The following STK36 variants were observed in gnomAD, a reference collection of about 807,000 sequenced individuals.
STK36 encodes serine/threonine-protein kinase 36.
Under a neutral mutation model 142.2 loss-of-function variants are expected in STK36, and 116 were observed. That is an observed-to-expected ratio of 0.82 (90% CI 0.70 to 0.95). The LOEUF (loss-of-function observed/expected upper bound fraction) is 0.95, where lower values mean the gene tolerates loss of function less well. Among genes scored for constraint, STK36 ranks in the 40% least tolerant of loss-of-function variants. The probability of loss-of-function intolerance (pLI) is 0.00; values close to 1 mark genes in which losing one functional copy is unlikely to be tolerated. For missense variants in STK36, 1,422 were observed against 1,617.2 expected (o/e 0.88, Z 2.07); for synonymous variants, 619 against 641.7 (o/e 0.96, Z 0.53).
Position 218,689,938 on chromosome 2 carries a change from G to A in STK36, c.1640G>A (p.Arg547Lys), listed in dbSNP as rs1940931158. ...TTTGCCTGTACCTTCAATCTGGAGA[G>A]GAGCCAGACAAGTGACAGGTAGGAT... ...AYFACTFNLE[R>K]SQTSDSLQVF... The change falls in exon 13 of 27, where the codon AGG (arginine) becomes AAG (lysine). Residue 547 changes from arginine (R) to lysine (K), a missense_variant. Arg to Lys is a conservative substitution (Grantham distance 26). Transcript: ENST00000295709. 2 of 1,595,480 alleles carry A rather than the reference G, an allele frequency of 1.3e-6. No homozygotes were observed. Among genetic ancestry groups the A allele is most frequent in the African/African-American group, 1.3e-5 (1 of 74,676 alleles).
intron 6 of STK36, 125 bp from the exon 7 acceptor site, chr2:218,679,043 A>G (rs915118437): frequency 4.7e-6 from 4 of 858,176 alleles, no homozygotes; most frequent in Non-Finnish European, 7.2e-6. Flanking sequence ...TTTAGAGGGC[A>G]TGATCAAGAG....
chr2:218,675,053 T>G (rs1316102492), intron 4 of STK36, among the ~76,000 whole-genome samples: 1 of 152,212 alleles, frequency 6.6e-6, no homozygotes, highest in Non-Finnish European at 1.5e-5. Flanking sequence ...AACTCAGTCC[T>G]CACAATAATC....
At chr2:218,696,376 C>A in intron 21 of STK36, 151 bp from the exon 22 acceptor site, 1 of 643,908 alleles carries the variant, frequency 1.6e-6, no homozygotes, top group East Asian at 2.7e-5. Flanking sequence ...ATTATTCCCC[C>A]ACCGAAATGG....
In STK36 at chr2:218,698,592, G is replaced by A. The variant is rs200720629; in HGVS notation, c.3058-10G>A. On this transcript the variant is annotated splice_polypyrimidine_tract_variant and intron_variant, in intron 25 of 26. Coordinates refer to ENST00000295709, the MANE Select transcript of STK36 (RefSeq NM_015690.5). ...CTCTCCCTGAATCCTTTTACCTCCTGTTCTCTCAGGTCTGCTGCTACCATC... is the reference window on the plus strand; with the variant it reads ...CTCTCCCTGAATCCTTTTACCTCCTATTCTCTCAGGTCTGCTGCTACCATC... 9.9e-6 allele frequency: 16 copies of A among 1,611,616 alleles called. No individual in the cohort carries two copies. The highest frequency in any genetic ancestry group is 1.3e-5 in the African/African-American group (1 of 74,972).
chr2:218,679,382 TC>T, intron 7 of STK36, 121 bp downstream of exon 7: 1 of 1,285,336 alleles, frequency 7.8e-7, no homozygotes, highest in South Asian at 1.3e-5. Context: ...GCTTGAACTT[TC>T]TTCCTAGCCC....
chr2:218,699,919 T>C (rs889796843), intron 26 of STK36, among the ~76,000 whole-genome samples: 1 of 151,990 alleles, frequency 6.6e-6, no homozygotes, highest in Admixed American at 6.6e-5. Flanking sequence ...TGCGCAACTT[T>C]CTTTTTCCTT....
intron 11 of STK36, 75 bp downstream of exon 11, chr2:218,685,303 A>C: frequency 6.4e-7 from 1 of 1,563,922 alleles, no homozygotes; most frequent in South Asian, 1.2e-5. Context: ...CACTGACTTC[A>C]GGAGAAAGAG....
chr2:218,682,224 G>A (rs970362154), intron 10 of STK36, among the ~76,000 whole-genome samples: 20 of 152,050 alleles, frequency 1.3e-4, no homozygotes, highest in Non-Finnish European at 1.8e-4. Flanking sequence ...ACCACACCCA[G>A]CCTATAACAA....
At chr2:218,684,502 ACT>A (rs1940691692) in intron 10 of STK36, among the ~76,000 whole-genome samples, 2 of 128,810 alleles carry the variant, frequency 1.6e-5, no homozygotes, top group South Asian at 2.5e-4. Context: ...CTCACTGCAA[ACT>A]CTGTCTCCCG....
chr2:218,690,364 T>G (rs1363044232), intron 13 of STK36, 86 bp from the exon 14 acceptor site: 2 of 1,076,710 alleles, frequency 1.9e-6, no homozygotes, highest in African/African-American at 3.1e-5. Flanking sequence ...GCAGAGATTC[T>G]CCTACCTGCC....
Position 218,694,102 on chromosome 2 carries a change from G to A in STK36, c.2336+119G>A, listed in dbSNP as rs879507413. ...CTTAGGAGGAATTGGGATAGAGAGCGTGAAGCTTTCTCTACAAAGAACAGA... is the reference window on the plus strand; with the variant it reads ...CTTAGGAGGAATTGGGATAGAGAGCATGAAGCTTTCTCTACAAAGAACAGA... On this transcript the variant is annotated intron_variant, in intron 19 of 26. Coordinates refer to ENST00000295709, the MANE Select transcript of STK36 (RefSeq NM_015690.5). This position sits in a 1 kb window ranked among gnomAD's most constrained non-coding sequence, Gnocchi z 4.4. 4.4e-4 allele frequency: 548 copies of A among 1,236,164 alleles called. No homozygotes were observed. Among genetic ancestry groups the A allele is most frequent in the Non-Finnish European group, 4.6e-4 (390 of 846,448 alleles). The allele number at this position is 1,236,164 out of a possible 1,614,324, so 76.6% of individuals were successfully genotyped here.
In STK36 at chr2:218,698,747, T is replaced by A. The variant is rs1160259274; in HGVS notation, c.3203T>A (p.Val1068Asp). 6.2e-7 allele frequency: 1 copy of A among 1,614,208 alleles called. No homozygotes were observed. ...AGAACCATCGTCTCGTTTCTCTCAG[T>A]TGCCCTCCTGAGTGACCAGCCACTG... ...SPRTIVSFLSVALLSDQPLLT... is the reference protein window; with the variant it reads ...SPRTIVSFLSDALLSDQPLLT... Residue 1068 changes from valine to aspartate, a missense_variant, in exon 26 of 27, where the codon GTT becomes GAT. Val to Asp is a radical substitution (Grantham distance 152). Transcript: ENST00000295709.
intron 6 of STK36, among the ~76,000 whole-genome samples, chr2:218,677,853 C>T (rs1024577033): frequency 2.6e-5 from 4 of 152,282 alleles, no homozygotes; most frequent in East Asian, 1.9e-4. Flanking sequence ...TGCAGTGGCA[C>T]GATCTCGGCT....
Position 218,692,723 on chromosome 2 carries a change from A to G in STK36, c.2043+13A>G, listed in dbSNP as rs369124325. The G allele has an allele frequency of 1.7e-5, 28 of 1,607,806 alleles. No homozygotes were observed. The highest frequency in any genetic ancestry group is 6.8e-5 in the Admixed American group (4 of 59,046). On this transcript the variant is annotated intron_variant, in intron 16 of 26. Transcript: ENST00000295709. ...TGCCAAGGAGCAGGTCCGAGCTACA[A>G]TTGGTTGTTCCTCTCATCCTACTGC...
intron 10 of STK36, among the ~76,000 whole-genome samples, chr2:218,683,727 C>T (rs967808461): frequency 6.6e-6 from 1 of 152,074 alleles, no homozygotes; most frequent in Non-Finnish European, 1.5e-5. Context: ...CAGTGCTATC[C>T]CTCCCCCTTC....
chr2:218,689,827 T>G, intron 12 of STK36, 32 bp from the exon 13 acceptor site: 1 of 1,581,630 alleles, frequency 6.3e-7, no homozygotes. Flanking sequence ...TCCTTCACAT[T>G]GCCCTTACTC....
intron 10 of STK36, among the ~76,000 whole-genome samples, chr2:218,684,414 CTTTTTTTTTTTTT>C: frequency 2.0e-5 from 1 of 49,348 alleles, no homozygotes; most frequent in South Asian, 1.2e-3. Context: ...TGCGCCTGGC[CTTTTTTTTTTTTT>C]TTTTTTTTTT....
At chr2:218,688,968 T>C in intron 12 of STK36, 92 bp downstream of exon 12, 3 of 1,304,516 alleles carry the variant, frequency 2.3e-6, no homozygotes, top group South Asian at 1.6e-5. Flanking sequence ...TTGGTCTGAC[T>C]GCCTTTTATT....
At chr2:218,693,542 C>T (rs1047590134) in intron 17 of STK36, among the ~76,000 whole-genome samples, 181 bp from the exon 18 acceptor site, 8 of 152,190 alleles carry the variant, frequency 5.3e-5, no homozygotes, top group South Asian at 2.1e-4. Flanking sequence ...CAGTCCTCAG[C>T]GGAACCGAGA....
Sources: allele counts gnomAD v4.1 joint callset (sites outside exome capture counted in the v4.1 genomes callset), GRCh38; gene constraint gnomAD v4.1.1; non-coding constraint Gnocchi (gnomAD v3.1); transcripts MANE v1.5; gene names NCBI Gene and HGNC (gene_info 2026-07-23, HGNC 2026-07-21).